Variants in SUCLG2 observed in about 807,000 individuals in gnomAD.
SUCLG2 encodes succinate-CoA ligase GDP-forming subunit beta.
Under a neutral mutation model 47.9 loss-of-function variants are expected in SUCLG2, and 42 were observed. The ratio of observed to expected loss-of-function variants is 0.88; its 90% CI spans 0.69 to 1.14. SUCLG2 has a LOEUF of 1.14. SUCLG2 is among the 50% of genes most tolerant of loss of function. The pLI, the probability that SUCLG2 is intolerant of heterozygous loss-of-function variation, is 0.00. For missense variants in SUCLG2, 571 were observed against 525.9 expected (o/e 1.09, Z -0.84); for synonymous variants, 195 against 197.3 (o/e 0.99, Z 0.10).
chr3:67,393,669 G>C (rs1222142170), intron 10 of SUCLG2, among the ~76,000 whole-genome samples: 1 of 152,230 alleles, frequency 6.6e-6, no homozygotes, highest in Non-Finnish European at 1.5e-5. Context: ...GAAGAGAGCA[G>C]TGGTTCTCCT....
chr3:67,491,694 T>TA (rs1412462172), intron 9 of SUCLG2, among the ~76,000 whole-genome samples: 2 of 152,176 alleles, frequency 1.3e-5, no homozygotes, highest in African/African-American at 4.8e-5. Flanking sequence ...GGTTAGATGA[T>TA]ATGTTCACTT....
intron 9 of SUCLG2, among the ~76,000 whole-genome samples, chr3:67,470,311 T>G (rs1270558248): frequency 6.6e-6 from 1 of 152,234 alleles, no homozygotes; most frequent in Non-Finnish European, 1.5e-5. Context: ...CTTCTTATAC[T>G]TCAGCCTCTG....
At chr3:67,536,660 T>C (rs2107164390) in intron 2 of SUCLG2, among the ~76,000 whole-genome samples, 1 of 152,360 alleles carries the variant, frequency 6.6e-6, no homozygotes, top group South Asian at 2.1e-4. Context: ...GAGGAACTCA[T>C]TCTCCAGACA....
At chr3:67,625,361 T>C (rs1380973348) in intron 1 of SUCLG2, among the ~76,000 whole-genome samples, 1 of 152,108 alleles carries the variant, frequency 6.6e-6, no homozygotes. Flanking sequence ...CAAAGTAAAA[T>C]GAAAGATTTC....
intron 2 of SUCLG2, among the ~76,000 whole-genome samples, chr3:67,579,350 T>C (rs1707824062): frequency 6.6e-6 from 1 of 152,212 alleles, no homozygotes; most frequent in African/African-American, 2.4e-5. Flanking sequence ...ATTTAATTAA[T>C]GCCAAGTGCT....
chr3:67,641,580 T>C (rs1701101189), intron 1 of SUCLG2, among the ~76,000 whole-genome samples: 1 of 152,078 alleles, frequency 6.6e-6, no homozygotes, highest in South Asian at 2.1e-4. Context: ...GTCTGTGAGG[T>C]CAAAACTATT....
chr3:67,512,430 T>C lies in SUCLG2; in HGVS notation c.661-3527A>G, dbSNP rs1705817763. Among the ~76,000 whole-genome samples, 4 of 151,124 alleles carry C rather than the reference T, an allele frequency of 2.6e-5. No individual in the cohort carries two copies. In the South Asian group the frequency reaches 8.3e-4, roughly 31 times the overall value. On this transcript the variant is annotated intron_variant, in intron 6 of 10. Coordinates refer to ENST00000307227, the MANE Select transcript of SUCLG2 (RefSeq NM_003848.4). ...TGTGAGTTGCATGGGGCAGGCATCT[T>C]ATGTATCCTGGGCACCTTGGCATCC... is the stretch of plus-strand genomic sequence containing the variant.
At chr3:67,429,315 G>T (rs899452198) in intron 9 of SUCLG2, among the ~76,000 whole-genome samples, 23 of 152,264 alleles carry the variant, frequency 1.5e-4, no homozygotes, top group African/African-American at 5.3e-4. Context: ...TTAAAGAAAA[G>T]AATTTTCAAC....
At chr3:67,387,275 T>C (rs1478757498) in intron 10 of SUCLG2, among the ~76,000 whole-genome samples, 1 of 152,172 alleles carries the variant, frequency 6.6e-6, no homozygotes, top group East Asian at 1.9e-4. Flanking sequence ...AAGGAGTCAA[T>C]GAGTGCATCA....
rs1309453875 is a variant in SUCLG2, at chr3:67,443,848, C to T, written c.1063-42997G>A. 3.7e-5 allele frequency among the ~76,000 whole-genome samples: 3 copies of T among 81,630 alleles called. 1 individual carries two copies. Among genetic ancestry groups the T allele is most frequent in the African/African-American group, 1.1e-4 (3 of 26,526 alleles). The allele number at this position is 81,630 out of a possible 152,430, so 53.6% of individuals were successfully genotyped here. ...CCGTCTGAGAAGTGAGGAGCCCCTC[C>T]GCCCGGCAGCTGCCCCGTCTGAGAA... On this transcript the variant is annotated intron_variant, in intron 9 of 10. Coordinates refer to ENST00000307227, the MANE Select transcript of SUCLG2 (RefSeq NM_003848.4).
chr3:67,567,054 T>C (rs1575783590), intron 2 of SUCLG2, among the ~76,000 whole-genome samples: 1 of 151,974 alleles, frequency 6.6e-6, no homozygotes, highest in South Asian at 2.1e-4. Context: ...CATGGTGGTG[T>C]GTGCCTGTGG....
intron 10 of SUCLG2, among the ~76,000 whole-genome samples, chr3:67,381,979 T>G (rs539708527): frequency 2.0e-5 from 3 of 152,188 alleles, no homozygotes; most frequent in Non-Finnish European, 4.4e-5. Context: ...GGTACAGGAT[T>G]TTGTTCGCAA....
At chr3:67,421,473 G>A (rs545604478) in intron 9 of SUCLG2, among the ~76,000 whole-genome samples, 31 of 152,268 alleles carry the variant, frequency 2.0e-4, no homozygotes, top group African/African-American at 7.0e-4. Context: ...TTTAGGTACA[G>A]GACCTTGGAC....
chr3:67,525,472 G>A (rs903077825), intron 4 of SUCLG2, among the ~76,000 whole-genome samples: 1 of 151,868 alleles, frequency 6.6e-6, no homozygotes, highest in Non-Finnish European at 1.5e-5. Flanking sequence ...CAGACCCAAA[G>A]AAATATGCCC....
In SUCLG2 at chr3:67,410,205, C is replaced by T. The variant is rs528612796; in HGVS notation, c.1063-9354G>A. ...TCTATGGTCCTTCTTTACAAAGATG[C>T]TAATCATTTCATTATTTAGGTCAAA... On this transcript the variant is annotated intron_variant, in intron 9 of 10. Transcript: ENST00000307227. 2.6e-5 allele frequency among the ~76,000 whole-genome samples: 4 copies of T among 152,270 alleles called. No individual in the cohort carries two copies. The South Asian group carries it at 8.3e-4, about 32-fold the overall frequency.
intron 2 of SUCLG2, among the ~76,000 whole-genome samples, chr3:67,547,645 C>T (rs1706902521): frequency 6.6e-6 from 1 of 152,092 alleles, no homozygotes; most frequent in Non-Finnish European, 1.5e-5. Context: ...CCCAGGATAC[C>T]TGTCCAAAAA....
chr3:67,440,089 C>A (rs924929063), intron 9 of SUCLG2, among the ~76,000 whole-genome samples: 1 of 144,360 alleles, frequency 6.9e-6, no homozygotes, highest in Non-Finnish European at 1.6e-5. Context: ...CATCAACAGC[C>A]ATCTGATCTT....
chr3:67,404,999 G>T, intron 9 of SUCLG2, among the ~76,000 whole-genome samples: 2 of 140,776 alleles, frequency 1.4e-5, no homozygotes, highest in Non-Finnish European at 1.5e-5. Flanking sequence ...TAAGAATTCA[G>T]TGTTAGGTCT....
chr3:67,366,045 A>G (rs1476022943), intron 10 of SUCLG2, among the ~76,000 whole-genome samples: 6 of 152,196 alleles, frequency 3.9e-5, no homozygotes, highest in Admixed American at 3.3e-4. Flanking sequence ...AGATCTTTTC[A>G]ATGCCTAAAA....
Sources: gnomAD v4.1 joint callset for allele counts (sites outside exome capture counted in the v4.1 genomes callset) on GRCh38, gnomAD v4.1.1 for gene constraint, MANE v1.5 for transcripts, NCBI Gene and HGNC (gene_info 2026-07-23, HGNC 2026-07-21) for gene names.